Variants in COTL1 observed in about 807,000 individuals in gnomAD.
The protein encoded by COTL1 is coactosin like F-actin binding protein 1, also known as coactosin-like protein.
In COTL1, 15 loss-of-function variants were observed where a neutral mutation model predicts 16.5. The ratio of observed to expected loss-of-function variants is 0.91; its 90% CI spans 0.61 to 1.40. COTL1 has a LOEUF of 1.40. Among genes scored for constraint, COTL1 ranks in the 40% most tolerant of loss-of-function variants. The pLI, the probability that COTL1 is intolerant of heterozygous loss-of-function variation, is 0.00. For missense variants in COTL1, 220 were observed against 201.5 expected (o/e 1.09, Z -0.56); for synonymous variants, 112 against 85.3 (o/e 1.31, Z -1.73).
chr16:84,578,590 C>T (rs116206692), intron 3 of COTL1, among the ~76,000 whole-genome samples: 1 of 152,106 alleles, frequency 6.6e-6, no homozygotes, highest in Non-Finnish European at 1.5e-5. Flanking sequence ...CACAGGCATG[C>T]ACGCACACAA....
At chr16:84,607,298 G>C (rs1905230485) in intron 2 of COTL1, among the ~76,000 whole-genome samples, 2 of 152,176 alleles carry the variant, frequency 1.3e-5, no homozygotes, top group South Asian at 2.1e-4. Context: ...TGCAGGCAGA[G>C]GGAAGAGAGT....
chr16:84,609,665 G>A (rs577987213), intron 2 of COTL1, among the ~76,000 whole-genome samples: 1 of 152,318 alleles, frequency 6.6e-6, no homozygotes, highest in South Asian at 2.1e-4. Context: ...ATTGTAATAA[G>A]TGTCAAGGGC....
At chr16:84,603,933 T>C (rs1905155038) in intron 2 of COTL1, among the ~76,000 whole-genome samples, 1 of 150,442 alleles carries the variant, frequency 6.6e-6, no homozygotes, top group Non-Finnish European at 1.5e-5. Context: ...CCCTGGGCCC[T>C]GCCAGCTACC....
chr16:84,585,634 G>A (rs1036357437), intron 3 of COTL1, among the ~76,000 whole-genome samples: 1 of 152,174 alleles, frequency 6.6e-6, no homozygotes, highest in African/African-American at 2.4e-5. Flanking sequence ...GTCCCTTAGA[G>A]AACATCCGCT....
intron 2 of COTL1, among the ~76,000 whole-genome samples, chr16:84,593,864 C>T (rs545385220): frequency 3.8e-4 from 58 of 152,300 alleles, no homozygotes; most frequent in Non-Finnish European, 6.6e-4. Flanking sequence ...GTGCCATCAT[C>T]GCTACTATCT....
rs1295314804 is a variant in COTL1 at position 84,565,696 on chromosome 16, A to G, written c.*1149T>C. ...AGTACAGATTTCTTCCCCAAAACGA[A>G]ATGAGCAAGGAAAAACAGAAAAAGA... On this transcript the variant is annotated 3_prime_UTR_variant, in exon 4 of 4. Transcript: ENST00000262428. 1 of 152,678 alleles carries G rather than the reference A, an allele frequency of 6.5e-6. No homozygotes were observed. Among genetic ancestry groups the G allele is most frequent in the Non-Finnish European group, 1.5e-5 (1 of 68,054 alleles). The allele number at this position is 152,678 out of a possible 1,614,324, so 9.5% of individuals were successfully genotyped here.
chr16:84,601,527 G>A (rs535091999), intron 2 of COTL1, among the ~76,000 whole-genome samples: 158 of 151,918 alleles, frequency 1.0e-3, no homozygotes, highest in African/African-American at 3.6e-3. Flanking sequence ...GCACAATCTC[G>A]GCTCATGCAA....
At chr16:84,599,062 G>A (rs553079531) in intron 2 of COTL1, among the ~76,000 whole-genome samples, 30 of 151,984 alleles carry the variant, frequency 2.0e-4, no homozygotes, top group Middle Eastern at 3.4e-3. Context: ...TCCCCACTAA[G>A]CTCTGAAGGC....
At chr16:84,592,700 C>T (rs1904900231) in intron 2 of COTL1, among the ~76,000 whole-genome samples, 1 of 152,080 alleles carries the variant, frequency 6.6e-6, no homozygotes, top group Non-Finnish European at 1.5e-5. Context: ...GACCCAAGGA[C>T]ACAAACCACC....
At chr16:84,580,408 G>A (rs1359717561) in intron 3 of COTL1, among the ~76,000 whole-genome samples, 2 of 152,058 alleles carry the variant, frequency 1.3e-5, no homozygotes, top group Non-Finnish European at 2.9e-5. Context: ...CACCATGCTC[G>A]GCTAATTTTT....
intron 2 of COTL1, among the ~76,000 whole-genome samples, chr16:84,598,289 T>C (rs1043363070): frequency 1.3e-5 from 2 of 152,112 alleles, no homozygotes; most frequent in African/African-American, 4.8e-5. Flanking sequence ...TGAAGCCTCA[T>C]CAGAAGCCAA....
intron 2 of COTL1, among the ~76,000 whole-genome samples, chr16:84,612,479 C>A (rs1275352515): frequency 6.6e-6 from 1 of 151,990 alleles, no homozygotes; most frequent in Non-Finnish European, 1.5e-5. Flanking sequence ...CGAGTGCTAT[C>A]AGAGTAAAAA....
chr16:84,607,080 C>G (rs1482438542), intron 2 of COTL1, among the ~76,000 whole-genome samples: 2 of 152,140 alleles, frequency 1.3e-5, no homozygotes, highest in Admixed American at 6.5e-5. Context: ...ATGGGGATTC[C>G]CCGCCAAGGA....
chr16:84,611,686 G>T (rs1905329583), intron 2 of COTL1, among the ~76,000 whole-genome samples: 1 of 152,184 alleles, frequency 6.6e-6, no homozygotes, highest in African/African-American at 2.4e-5. Flanking sequence ...ATAAACACAG[G>T]AAGGAACAAG....
intron 2 of COTL1, among the ~76,000 whole-genome samples, chr16:84,604,736 C>T (rs989212049): frequency 7.2e-5 from 11 of 152,206 alleles, no homozygotes; most frequent in Non-Finnish European, 1.3e-4. Flanking sequence ...CTGTAGGGGT[C>T]ACACAGGGGC....
intron 2 of COTL1, among the ~76,000 whole-genome samples, chr16:84,593,543 G>A (rs1376068572): frequency 2.0e-5 from 3 of 148,046 alleles, no homozygotes; most frequent in East Asian, 2.0e-4. Context: ...AGGGAGTCTC[G>A]CTCCGTCGCC....
chr16:84,588,477 G>C (rs1904785837), intron 3 of COTL1, among the ~76,000 whole-genome samples: 1 of 152,088 alleles, frequency 6.6e-6, no homozygotes, highest in Admixed American at 6.6e-5. Context: ...ATTCAAGATA[G>C]CACATTGCAG....
intron 3 of COTL1, 91 bp from the exon 4 acceptor site, chr16:84,567,046 A>C (rs961582013): frequency 2.4e-6 from 2 of 846,232 alleles, no homozygotes; most frequent in African/African-American, 1.7e-5. Context: ...GAAGCAAAGC[A>C]CTGAAAACCC....
intron 2 of COTL1, among the ~76,000 whole-genome samples, chr16:84,609,768 T>C (rs1905282914): frequency 6.9e-6 from 1 of 144,120 alleles, no homozygotes; most frequent in African/African-American, 2.5e-5. Flanking sequence ...TATAAGGGGC[T>C]TCCCCCTTCA....
Sources: gnomAD v4.1 joint callset for allele counts (sites outside exome capture counted in the v4.1 genomes callset) on GRCh38, gnomAD v4.1.1 for gene constraint, MANE v1.5 for transcripts, NCBI Gene and HGNC (gene_info 2026-07-23, HGNC 2026-07-21) for gene names.